GALNT13: variants seen among roughly 807,000 people sequenced by gnomAD.
GALNT13 encodes the protein polypeptide N-acetylgalactosaminyltransferase 13.
A neutral mutation model predicts 64.2 loss-of-function variants in GALNT13; 28 were observed. The ratio of observed to expected loss-of-function variants is 0.44; its 90% CI spans 0.32 to 0.60. The LOEUF (loss-of-function observed/expected upper bound fraction) is 0.60. Ranked by LOEUF, GALNT13 falls within the 20% of genes least tolerant of loss-of-function variation. GALNT13 has a pLI of 0.05. For synonymous variants in GALNT13, 214 were observed against 224.6 expected, an observed-to-expected ratio of 0.95 and a Z score of 0.42; for missense variants, 577 against 669.8, an observed-to-expected ratio of 0.86 and a Z score of 1.53.
At chr2:154,120,876 A>G (rs1257352724) in intron 3 of GALNT13, among the ~76,000 whole-genome samples, 2 of 152,096 alleles carry the variant, frequency 1.3e-5, no homozygotes, top group African/African-American at 4.8e-5. Flanking sequence ...TTCATGCGCT[A>G]GTCACTATGA....
At chr2:154,196,959 G>GA (rs1443297883) in intron 4 of GALNT13, among the ~76,000 whole-genome samples, 5 of 152,176 alleles carry the variant, frequency 3.3e-5, no homozygotes, top group African/African-American at 1.2e-4. Context: ...ACTCTCAAGA[G>GA]ATGAATCATC....
At chr2:153,257,287 G>A in the GALNT13 span, among the ~76,000 whole-genome samples, 1 of 152,114 alleles carries the variant, frequency 6.6e-6, no homozygotes, top group African/African-American at 2.4e-5. Flanking sequence ...TCCCAAGTGA[G>A]GCAATGCCTC....
the GALNT13 span, among the ~76,000 whole-genome samples, chr2:153,510,924 T>C: frequency 6.6e-6 from 1 of 151,898 alleles, no homozygotes; most frequent in Non-Finnish European, 1.5e-5. Flanking sequence ...GGCCACTCTG[T>C]GGTATCTCGC....
At chr2:153,273,585 T>C in the GALNT13 span, among the ~76,000 whole-genome samples, 1 of 152,200 alleles carries the variant, frequency 6.6e-6, no homozygotes, top group African/African-American at 2.4e-5. Flanking sequence ...TATAATTAAT[T>C]GTGATAATTA....
At chr2:153,670,524 T>C in the GALNT13 span, among the ~76,000 whole-genome samples, 11 of 152,196 alleles carry the variant, frequency 7.2e-5, no homozygotes, top group East Asian at 1.7e-3. Context: ...AAAGGACATC[T>C]ACACCAAAAC....
At chr2:153,350,049 T>G in the GALNT13 span, among the ~76,000 whole-genome samples, 1 of 152,182 alleles carries the variant, frequency 6.6e-6, no homozygotes, top group African/African-American at 2.4e-5. Flanking sequence ...GCCTCACTCT[T>G]ACCGAGGTAT....
At chr2:153,943,709 G>A (rs1354437953) in intron 2 of GALNT13, among the ~76,000 whole-genome samples, 1 of 152,128 alleles carries the variant, frequency 6.6e-6, no homozygotes, top group Non-Finnish European at 1.5e-5. Context: ...TGGCCAGACT[G>A]GTCTCAAACT....
the GALNT13 span, among the ~76,000 whole-genome samples, chr2:153,068,713 C>A: frequency 6.6e-6 from 1 of 152,064 alleles, no homozygotes; most frequent in African/African-American, 2.4e-5. Flanking sequence ...TGAGTGCTGT[C>A]CTGGATTTGC....
At chr2:154,279,523 C>G (rs1240497206) in intron 8 of GALNT13, among the ~76,000 whole-genome samples, 1 of 152,130 alleles carries the variant, frequency 6.6e-6, no homozygotes, top group East Asian at 1.9e-4. Context: ...GGATTAATCA[C>G]AGCTTCTTCA....
chr2:153,668,715 C>T, the GALNT13 span, among the ~76,000 whole-genome samples: 1 of 152,060 alleles, frequency 6.6e-6, no homozygotes, highest in African/African-American at 2.4e-5. Context: ...TAAGCAGCGA[C>T]CCACACGTAT....
At chr2:153,980,279 C>T (rs987715144) in intron 3 of GALNT13, among the ~76,000 whole-genome samples, 1 of 151,998 alleles carries the variant, frequency 6.6e-6, no homozygotes, top group African/African-American at 2.4e-5. Context: ...AACAGGGAAC[C>T]TTAAACACTA....
intron 12 of GALNT13, 26 bp from the exon 13 acceptor site, chr2:154,450,381 GCTGC>G: frequency 6.3e-7 from 1 of 1,585,014 alleles, no homozygotes; most frequent in Non-Finnish European, 8.6e-7. Flanking sequence ...GACGAAATAA[GCTGC>G]ACTGATTATT....
At chr2:153,808,351 T>C in the GALNT13 span, among the ~76,000 whole-genome samples, 2 of 152,132 alleles carry the variant, frequency 1.3e-5, no homozygotes, top group Non-Finnish European at 2.9e-5. Flanking sequence ...CTAGAGGTAG[T>C]ATAATTGTCT....
the GALNT13 span, among the ~76,000 whole-genome samples, chr2:153,108,648 C>T: frequency 2.0e-5 from 3 of 152,114 alleles, no homozygotes; most frequent in Admixed American, 2.0e-4. Context: ...GGGATATTCT[C>T]TATTCCTACA....
At chr2:153,928,376 A>G (rs995002030) in intron 2 of GALNT13, among the ~76,000 whole-genome samples, 1 of 152,148 alleles carries the variant, frequency 6.6e-6, no homozygotes, top group Admixed American at 6.6e-5. Flanking sequence ...GTCTCAGTGG[A>G]AACATTTATT....
chr2:153,331,265 A>G, the GALNT13 span, among the ~76,000 whole-genome samples: 129 of 149,520 alleles, frequency 8.6e-4, no homozygotes, highest in African/African-American at 3.0e-3. Flanking sequence ...AAGTTTTGGT[A>G]TCAGAGTAAT....
At chr2:153,459,290 T>C in the GALNT13 span, among the ~76,000 whole-genome samples, 1 of 152,038 alleles carries the variant, frequency 6.6e-6, no homozygotes, top group Admixed American at 6.6e-5. Context: ...GAGAAAACTG[T>C]ATTAGAAAAT....
the GALNT13 span, among the ~76,000 whole-genome samples, chr2:153,408,664 G>GTT: frequency 3.7e-5 from 5 of 135,652 alleles, no homozygotes; most frequent in Admixed American, 7.3e-5. Context: ...TTTTGTTTTT[G>GTT]TTTTTTTTTT....
the GALNT13 span, among the ~76,000 whole-genome samples, chr2:153,547,083 T>C: frequency 6.6e-6 from 1 of 152,212 alleles, no homozygotes; most frequent in Admixed American, 6.5e-5. Context: ...ATGGATGAAG[T>C]AGAATGTTTG....
Sources: gnomAD v4.1 joint callset for allele counts (sites outside exome capture counted in the v4.1 genomes callset) on GRCh38, gnomAD v4.1.1 for gene constraint, MANE v1.5 for transcripts, NCBI Gene and HGNC (gene_info 2026-07-23, HGNC 2026-07-21) for gene names.